SLC25A26: variants seen among roughly 807,000 people sequenced by gnomAD.
The protein encoded by SLC25A26 is solute carrier family 25 member 26.
In SLC25A26, 36 loss-of-function variants were observed where a neutral mutation model predicts 37.8. That is an observed-to-expected ratio of 0.95 (90% CI 0.73 to 1.26). The LOEUF is 1.26. SLC25A26 is among the 50% of genes most tolerant of loss of function. The pLI is 0.00. For missense variants in SLC25A26, 390 were observed against 331.1 expected (o/e 1.18, Z -1.38); for synonymous variants, 129 against 122.5 (o/e 1.05, Z -0.35).
chr3:66,299,809 A>G (rs1576826578), intron 5 of SLC25A26, among the ~76,000 whole-genome samples: 1 of 152,186 alleles, frequency 6.6e-6, no homozygotes, highest in Non-Finnish European at 1.5e-5. Context: ...AAACTTCCAC[A>G]TGCGGGTAGT....
At chr3:66,292,185 A>G (rs771056483) in intron 5 of SLC25A26, among the ~76,000 whole-genome samples, 5 of 151,990 alleles carry the variant, frequency 3.3e-5, no homozygotes, top group Admixed American at 6.6e-5. Flanking sequence ...TTTTGAGCCT[A>G]TTTGTGTCTT....
chr3:66,189,644 G>T (rs2106785499), intron 1 of SLC25A26, among the ~76,000 whole-genome samples: 1 of 152,212 alleles, frequency 6.6e-6, no homozygotes, highest in African/African-American at 2.4e-5. Flanking sequence ...GTTTACACAT[G>T]TACTGTGTGC....
intron 1 of SLC25A26, among the ~76,000 whole-genome samples, chr3:66,230,999 A>G (rs1328489187): frequency 6.6e-6 from 1 of 151,800 alleles, no homozygotes; most frequent in Non-Finnish European, 1.5e-5. Context: ...ACAGGGTGAA[A>G]CTCTGCTTCT....
chr3:66,190,854 G>T (rs1268229197), intron 1 of SLC25A26, among the ~76,000 whole-genome samples: 1 of 152,184 alleles, frequency 6.6e-6, no homozygotes, highest in Non-Finnish European at 1.5e-5. Context: ...GTGTAAATAT[G>T]AACTCATTTT....
chr3:66,277,956 C>T (rs1349468818), intron 5 of SLC25A26, among the ~76,000 whole-genome samples: 1 of 151,944 alleles, frequency 6.6e-6, no homozygotes, highest in Admixed American at 6.6e-5. Context: ...AAAGAACTGC[C>T]ACAAATAAGA....
chr3:66,325,186 A>T (rs536590467), intron 5 of SLC25A26, among the ~76,000 whole-genome samples: 3 of 152,286 alleles, frequency 2.0e-5, no homozygotes, highest in African/African-American at 7.2e-5. Flanking sequence ...TTTATGGGAG[A>T]CGTAAGGCAT....
At position 66,303,329 on chromosome 3, in the gene SLC25A26, A is replaced by G. The variant is rs150310632; in HGVS notation, c.453+39950A>G. Reference sequence around the variant, plus strand: ...TTAAGGCGCAGCCACCTTTAAGGAAAGACTTCTGGGAACAGCTAACTGTGT... The same window carrying G: ...TTAAGGCGCAGCCACCTTTAAGGAAGGACTTCTGGGAACAGCTAACTGTGT... On this transcript the variant is annotated intron_variant, in intron 5 of 9. Coordinates refer to ENST00000354883, the MANE Select transcript of SLC25A26 (RefSeq NM_001379210.1). 4.6e-5 allele frequency among the ~76,000 whole-genome samples: 7 copies of G among 152,348 alleles called. No individual in the cohort carries two copies. In the East Asian group the frequency reaches 1.3e-3, roughly 29 times the overall value.
Position 66,351,887 on chromosome 3 carries a change from G to A in SLC25A26, c.498+5479G>A, listed in dbSNP as rs563507420. 1.4e-4 allele frequency among the ~76,000 whole-genome samples: 21 copies of A among 152,132 alleles called. 1 individual carries two copies. The East Asian group carries it at 3.9e-3, about 28-fold the overall frequency. ...AATTGCTACACTGGCCTCTCCAGTGGTCTCCCTCATTTCACTCAGGCTTTC... is the reference window on the plus strand; with the variant it reads ...AATTGCTACACTGGCCTCTCCAGTGATCTCCCTCATTTCACTCAGGCTTTC... On this transcript the variant is annotated intron_variant, in intron 6 of 9. Transcript: ENST00000354883.
chr3:66,148,885 A>T lies in SLC25A26; in HGVS notation c.-354+14901A>T, dbSNP rs141058427. Among the ~76,000 whole-genome samples, 245 of 152,276 alleles carry T rather than the reference A, an allele frequency of 1.6e-3. 5 individuals are homozygous for T. The highest frequency in any genetic ancestry group is 6.2e-3 in the South Asian group (30 of 4,822). ...AATAAACTTTACGTGTCTACCAGAG[A>T]CCACTTTCTCAACATAGGAGCATTA... On this transcript the variant is annotated intron_variant, in intron 1 of 10. Transcript: ENST00000676754.
At chr3:66,167,002 G>A (rs977191911) in intron 1 of SLC25A26, among the ~76,000 whole-genome samples, 2 of 152,132 alleles carry the variant, frequency 1.3e-5, no homozygotes, top group African/African-American at 4.8e-5. Flanking sequence ...CCCTACACAG[G>A]TTCTCTTCTC....
intron 1 of SLC25A26, among the ~76,000 whole-genome samples, chr3:66,150,371 A>T (rs1267474711): frequency 1.3e-5 from 2 of 150,204 alleles, no homozygotes; most frequent in Admixed American, 6.7e-5. Context: ...GCTGGTGGGC[A>T]CCTGTAATCC....
At chr3:66,367,064 G>C (rs1358087374) in intron 7 of SLC25A26, among the ~76,000 whole-genome samples, 1 of 152,154 alleles carries the variant, frequency 6.6e-6, no homozygotes, top group Non-Finnish European at 1.5e-5. Context: ...AAAAACTATA[G>C]ACCAGGGTAC....
chr3:66,283,667 C>T (rs79714773), intron 5 of SLC25A26, among the ~76,000 whole-genome samples: 2 of 151,988 alleles, frequency 1.3e-5, no homozygotes, highest in Non-Finnish European at 2.9e-5. Context: ...TTTATTTTAG[C>T]CATTTTAGTA....
chr3:66,240,128 C>A (rs2072500939), intron 2 of SLC25A26, among the ~76,000 whole-genome samples: 1 of 152,060 alleles, frequency 6.6e-6, no homozygotes, highest in African/African-American at 2.4e-5. Flanking sequence ...TTTATTGCGG[C>A]CATGAACTGC....
chr3:66,339,742 A>G (rs1338685354), intron 5 of SLC25A26, among the ~76,000 whole-genome samples: 1 of 151,898 alleles, frequency 6.6e-6, no homozygotes, highest in Non-Finnish European at 1.5e-5. Context: ...TGAATGCTTT[A>G]TATATTCTGG....
At chr3:66,353,569 A>T (rs1355998241) in intron 6 of SLC25A26, among the ~76,000 whole-genome samples, 2 of 152,226 alleles carry the variant, frequency 1.3e-5, no homozygotes, top group African/African-American at 4.8e-5. Flanking sequence ...TATACTCAAA[A>T]GTTGATAAAA....
intron 1 of SLC25A26, among the ~76,000 whole-genome samples, chr3:66,174,579 G>A (rs1576611838): frequency 6.6e-6 from 1 of 152,068 alleles, no homozygotes; most frequent in East Asian, 1.9e-4. Context: ...AGGAAATCGA[G>A]ACCATCCTGG....
intron 5 of SLC25A26, among the ~76,000 whole-genome samples, chr3:66,311,655 A>T (rs2075381432): frequency 6.6e-6 from 1 of 151,718 alleles, no homozygotes; most frequent in Non-Finnish European, 1.5e-5. Flanking sequence ...GACGCGGATG[A>T]CTTTTGGATA....
chr3:66,244,760 C>T (rs1220995121), intron 3 of SLC25A26, among the ~76,000 whole-genome samples: 1 of 151,928 alleles, frequency 6.6e-6, no homozygotes, highest in Non-Finnish European at 1.5e-5. Context: ...ATCATGAGGT[C>T]AGGAGATCGA....
Sources: gnomAD v4.1 joint callset for allele counts (sites outside exome capture counted in the v4.1 genomes callset) on GRCh38, gnomAD v4.1.1 for gene constraint, MANE v1.5 for transcripts, NCBI Gene and HGNC (gene_info 2026-07-23, HGNC 2026-07-21) for gene names.